The following TBX3 variants were observed in gnomAD, a reference collection of about 807,000 sequenced individuals.
TBX3 encodes T-box transcription factor TBX3.
Under a neutral mutation model 47.8 loss-of-function variants are expected in TBX3, and 11 were observed. The ratio of observed to expected loss-of-function variants is 0.23; its 90% CI spans 0.14 to 0.38. The LOEUF (loss-of-function observed/expected upper bound fraction) is 0.38, where lower values mean the gene tolerates loss of function less well. TBX3 is among the 10% of genes least tolerant of loss of function. TBX3 has a pLI of 1.00. For synonymous variants in TBX3, 500 were observed against 449.3 expected (o/e 1.11, Z -1.43); for missense variants, 927 against 1,022.8 (o/e 0.91, Z 1.28).
In TBX3 at chr12:114,674,378, G is replaced by A. The variant is rs2121382792; in HGVS notation, c.1497C>T (p.Phe499=). The A allele has an allele frequency of 6.4e-7, 1 of 1,553,636 alleles. No individual in the cohort carries two copies. Among genetic ancestry groups the A allele is most frequent in the Non-Finnish European group, 8.7e-7 (1 of 1,148,908 alleles). Residue 499 remains phenylalanine, a synonymous_variant, in exon 6 of 7, where the codon TTC becomes TTT. Transcript: ENST00000349155. Reference sequence around the variant, plus strand: ...CCATGGCAAACTGGCTGGGGTGCAGGAAGAGCGGGTGCCCGTTGAAGAACT... The same window carrying A: ...CCATGGCAAACTGGCTGGGGTGCAGAAAGAGCGGGTGCCCGTTGAAGAACT... ...GQQFFNGHPL[F]LHPSQFAMGG...
At chr12:114,682,650 C>T (rs1178008878) in intron 1 of TBX3, among the ~76,000 whole-genome samples, 162 bp downstream of exon 1, 1 of 152,112 alleles carries the variant, frequency 6.6e-6, no homozygotes, top group Admixed American at 6.5e-5. Context: ...CTGAAATTTC[C>T]TGCCACCGGG....
intron 3 of TBX3, among the ~76,000 whole-genome samples, chr12:114,679,075 A>C (rs915913849): frequency 2.0e-5 from 3 of 152,174 alleles, no homozygotes; most frequent in African/African-American, 7.2e-5. Flanking sequence ...AGGGGAGAAA[A>C]GCTGGTCTCT....
intron 3 of TBX3, among the ~76,000 whole-genome samples, chr12:114,679,156 A>T (rs1157343562): frequency 6.6e-6 from 1 of 152,034 alleles, no homozygotes; most frequent in African/African-American, 2.4e-5. Flanking sequence ...TTTGAATGTG[A>T]CTTCTTGATC....
At chr12:114,678,343 A>G (rs1868796945) in intron 3 of TBX3, among the ~76,000 whole-genome samples, 1 of 152,188 alleles carries the variant, frequency 6.6e-6, no homozygotes, top group Non-Finnish European at 1.5e-5. Flanking sequence ...CTGGGTCTAG[A>G]GGGCACATGC....
Position 114,683,068 on chromosome 12 carries a change from T to G in TBX3, c.133A>C (p.Thr45Pro). The change falls in exon 1 of 7, where the codon ACG becomes CCG. Residue 45 changes from threonine to proline, a missense_variant. By Grantham distance (38) the Thr-to-Pro change is conservative. This residue lies in a region of TBX3 where 216 missense variants were observed against 281.2 expected (regional missense o/e 0.77). Transcript: ENST00000349155. This position sits in a 1 kb window ranked among gnomAD's most constrained non-coding sequence, Gnocchi z 7.7. ...GHQPPFFPALTLPPNGAAALS... is the reference protein window; with the variant it reads ...GHQPPFFPALPLPPNGAAALS... ...GCCGCCGCGCCGTTGGGAGGCAGCGTCAGCGCGGGGAAGAACGGCGGCTGG... is the reference window on the plus strand; with the variant it reads ...GCCGCCGCGCCGTTGGGAGGCAGCGGCAGCGCGGGGAAGAACGGCGGCTGG... The G allele has an allele frequency of 6.2e-7, 1 of 1,610,044 alleles. No individual in the cohort carries two copies. The highest frequency in any genetic ancestry group is 8.5e-7 in the Non-Finnish European group (1 of 1,177,432).
At position 114,670,607 on chromosome 12, in the gene TBX3, G is replaced by A; in HGVS notation, c.*1234C>T. ...ATTTTAAGGAATTTGAAGTGGAGCT[G>A]GAAAGTGGCACTCCTTCCCCAATTT... On this transcript the variant is annotated 3_prime_UTR_variant, in exon 7 of 7. Transcript: ENST00000349155. 1 of 221,264 alleles carries A rather than the reference G, an allele frequency of 4.5e-6. No individual in the cohort carries two copies. Among genetic ancestry groups the A allele is most frequent in the Non-Finnish European group, 9.0e-6 (1 of 110,878 alleles). The allele number at this position is 221,264 out of a possible 1,614,324, so 13.7% of individuals were successfully genotyped here. A position where few individuals can be genotyped will look rare whatever the true frequency, so the allele number is the denominator to read the frequency against.
rs1312156913 is a variant in TBX3, at chr12:114,674,809, C to T, written c.1066G>A (p.Asp356Asn). ...KDLCPSEGESDAEAESKEEHG... is the reference protein window; with the variant it reads ...KDLCPSEGESNAEAESKEEHG... ...TCCTCTTTGCTCTCGGCCTCGGCGT[C>T]GCTCTCACCCTCGCTGGGACATAAA... Residue 356 changes from aspartate to asparagine, a missense_variant, in exon 6 of 7, where the codon GAC becomes AAC. Coordinates refer to ENST00000349155, the MANE Select transcript of TBX3 (RefSeq NM_005996.4). 6.3e-7 allele frequency: 1 copy of T among 1,577,758 alleles called. No individual in the cohort carries two copies.
intron 6 of TBX3, among the ~76,000 whole-genome samples, chr12:114,673,524 G>T (rs925423297): frequency 1.3e-5 from 2 of 152,274 alleles, no homozygotes; most frequent in East Asian, 3.9e-4. Context: ...TGGGGTTGGG[G>T]GTGGGGAGAA....
chr12:114,677,530 A>T (rs1230157202), intron 4 of TBX3, 50 bp downstream of exon 4: 8 of 1,577,366 alleles, frequency 5.1e-6, no homozygotes, highest in Non-Finnish European at 7.0e-6. Context: ...GTTGGATCCT[A>T]AAAAAAGGGA....
rs1868478816 is a variant in TBX3 at position 114,672,237 on chromosome 12, C to T, written c.1776G>A (p.Ala592=). 2 of 1,574,510 alleles carry T rather than the reference C, an allele frequency of 1.3e-6. No individual in the cohort carries two copies. The highest frequency in any genetic ancestry group is 1.3e-5 in the African/African-American group (1 of 74,216). Residue 592 remains alanine, a synonymous_variant, in exon 7 of 7, where the codon GCG becomes GCA. Transcript: ENST00000349155. ...PYPYTYMAAA[A]AASSAAASSS... is the part of the protein sequence containing the mutation. ...TGGAGGCTGCCGCAGAGGAGGCGGC[C>T]GCCGCTGCGGCCATGTACGTGTAGG...
rs987555669 is a variant in TBX3 at position 114,680,870 on chromosome 12, G to T, written c.657+9C>A. ...AGAAAATTTTACTGAAGAGAGCAATGAAACTTACAAATCCATGTTTGTCTG... is the reference window on the plus strand; with the variant it reads ...AGAAAATTTTACTGAAGAGAGCAATTAAACTTACAAATCCATGTTTGTCTG... On this transcript the variant is annotated intron_variant, in intron 2 of 6. Coordinates refer to ENST00000349155, the MANE Select transcript of TBX3 (RefSeq NM_005996.4). The T allele has an allele frequency of 3.1e-6, 5 of 1,613,992 alleles. No individual in the cohort carries two copies. The highest frequency in any genetic ancestry group is 4.2e-6 in the Non-Finnish European group (5 of 1,180,020).
At chr12:114,674,931 G>T in intron 5 of TBX3, 96 bp from the exon 6 acceptor site, 6 of 1,479,608 alleles carry the variant, frequency 4.1e-6, no homozygotes, top group Non-Finnish European at 5.5e-6. Flanking sequence ...CCAGCTCGTG[G>T]CTTAGTGGCT....
chr12:114,680,492 T>C (rs868640244), intron 2 of TBX3: 22 of 335,696 alleles, frequency 6.6e-5, no homozygotes, highest in African/African-American at 3.2e-4. Flanking sequence ...ACGTAAACTC[T>C]CCTGAGAAAA....
At chr12:114,680,313 C>T (rs912696452) in intron 2 of TBX3, 10 of 375,196 alleles carry the variant, frequency 2.7e-5, no homozygotes, top group African/African-American at 1.9e-4. Flanking sequence ...TAAGCACTGT[C>T]ACTGAATCCA....
intron 5 of TBX3, 80 bp downstream of exon 5, chr12:114,676,233 G>A: frequency 6.3e-7 from 1 of 1,585,998 alleles, no homozygotes; most frequent in South Asian, 1.1e-5. Context: ...CAAGTGCCCT[G>A]GTTGGTGCCC....
intron 4 of TBX3, 152 bp from the exon 5 acceptor site, chr12:114,676,622 G>A: frequency 1.9e-6 from 2 of 1,045,538 alleles, no homozygotes; most frequent in Non-Finnish European, 2.9e-6. Context: ...TTGCCCCAGG[G>A]CAGCCACATA....
At position 114,679,670 on chromosome 12, in the gene TBX3, G is replaced by C; in HGVS notation, c.658-19C>G. 1.2e-6 allele frequency: 2 copies of C among 1,614,098 alleles called. No homozygotes were observed. Among genetic ancestry groups the C allele is most frequent in the South Asian group, 2.2e-5 (2 of 91,064 alleles). On this transcript the variant is annotated intron_variant, in intron 2 of 6. Coordinates refer to ENST00000349155, the MANE Select transcript of TBX3 (RefSeq NM_005996.4). The stretch of plus-strand genomic sequence containing the variant: ...ATATAGTCTGCAGGGGCAGGGAAGA[G>C]GAGACATACATAAAACAAGGATTTA...
At chr12:114,672,705 G>A (rs554486244) in intron 6 of TBX3, among the ~76,000 whole-genome samples, 1 of 152,098 alleles carries the variant, frequency 6.6e-6, no homozygotes, top group Admixed American at 6.5e-5. Flanking sequence ...CTGTTAAATG[G>A]GGATACAGAT....
In TBX3 at chr12:114,672,388, T is replaced by C. The variant is rs76404097; in HGVS notation, c.1711-86A>G. ...TCTCCTCTCTTCTCCCCCTCCAACATTGGGCAAGCCATGAATCCCTGGTAT... is the reference window on the plus strand; with the variant it reads ...TCTCCTCTCTTCTCCCCCTCCAACACTGGGCAAGCCATGAATCCCTGGTAT... On this transcript the variant is annotated intron_variant, in intron 6 of 6. Transcript: ENST00000349155. The C allele has an allele frequency of 3.3e-3, 3,889 of 1,190,776 alleles. 71 individuals are homozygous for C. The East Asian group carries it at 0.055, about 17-fold the overall frequency. The allele number at this position is 1,190,776 out of a possible 1,614,324, so 73.8% of individuals were successfully genotyped here.
Sources: allele counts gnomAD v4.1 joint callset (sites outside exome capture counted in the v4.1 genomes callset), GRCh38; gene constraint gnomAD v4.1.1; regional missense constraint gnomAD v4.1.1; non-coding constraint Gnocchi (gnomAD v3.1); transcripts MANE v1.5; gene names NCBI Gene and HGNC (gene_info 2026-07-23, HGNC 2026-07-21).